The following ADCY2 variants were observed in gnomAD, a reference collection of about 807,000 sequenced individuals.
ADCY2 encodes adenylate cyclase type 2.
In ADCY2, 31 loss-of-function variants were observed where a neutral mutation model predicts 125.2. The observed-to-expected ratio is 0.25, with a 90% CI of 0.19 to 0.33. The LOEUF is 0.33. Ranked by LOEUF, ADCY2 falls within the 10% of genes least tolerant of loss-of-function variation. The pLI, the probability that ADCY2 is intolerant of heterozygous loss-of-function variation, is 1.00. For synonymous variants in ADCY2, 512 were observed against 548.4 expected (o/e 0.93, Z 0.93); for missense variants, 904 against 1,418.2 (o/e 0.64, Z 5.82).
chr5:7,426,600 C>T (rs1167112852), intron 2 of ADCY2, among the ~76,000 whole-genome samples: 1 of 152,196 alleles, frequency 6.6e-6, no homozygotes. Flanking sequence ...TAAGTTTCAA[C>T]TTGAATTTTG....
chr5:7,642,665 C>T (rs1253783547), intron 4 of ADCY2, among the ~76,000 whole-genome samples: 2 of 152,024 alleles, frequency 1.3e-5, no homozygotes, highest in African/African-American at 4.8e-5. Flanking sequence ...ATATAGTCAC[C>T]AGACTGTCCA....
At chr5:7,594,111 A>T (rs1736931703) in intron 3 of ADCY2, among the ~76,000 whole-genome samples, 1 of 152,176 alleles carries the variant, frequency 6.6e-6, no homozygotes, top group Admixed American at 6.6e-5. Context: ...TGAGTAAAAG[A>T]ATGACATGGT....
chr5:7,414,791 T>C (rs752365071), intron 2 of ADCY2, 21 bp downstream of exon 2: 4 of 1,583,950 alleles, frequency 2.5e-6, no homozygotes, highest in Middle Eastern at 1.7e-4. Flanking sequence ...AAAATATTTT[T>C]TGTACTTCTT....
At chr5:7,488,687 G>A (rs1267186927) in intron 2 of ADCY2, among the ~76,000 whole-genome samples, 1 of 152,136 alleles carries the variant, frequency 6.6e-6, no homozygotes, top group Non-Finnish European at 1.5e-5. Context: ...GTGGAAGTTA[G>A]GTGATCAAAA....
At chr5:7,402,132 A>G (rs1429017114) in intron 1 of ADCY2, among the ~76,000 whole-genome samples, 5 of 152,226 alleles carry the variant, frequency 3.3e-5, no homozygotes, top group Non-Finnish European at 5.9e-5. Flanking sequence ...TATCATATCT[A>G]AGGACCACAA....
rs892986171 is a variant in ADCY2, at chr5:7,732,636, T to G, written c.1871+5375T>G. Reference sequence around the variant, plus strand: ...ATGGTGGCTCTCACTTCTGTTGACTTTGTTTTCTTAACTCATTAATTATAC... The same window carrying G: ...ATGGTGGCTCTCACTTCTGTTGACTGTGTTTTCTTAACTCATTAATTATAC... On this transcript the variant is annotated intron_variant, in intron 14 of 24. Coordinates refer to ENST00000338316, the MANE Select transcript of ADCY2 (RefSeq NM_020546.3). Among the ~76,000 whole-genome samples the G allele has an allele frequency of 6.6e-5, 10 of 152,372 alleles. No homozygotes were observed. The South Asian group carries it at 2.1e-3, about 32-fold the overall frequency.
chr5:7,625,231 G>C (rs1460145568), intron 3 of ADCY2, among the ~76,000 whole-genome samples: 1 of 152,216 alleles, frequency 6.6e-6, no homozygotes, highest in Non-Finnish European at 1.5e-5. Context: ...TACAGTCACA[G>C]AACTGAATAT....
At chr5:7,707,682 T>C in intron 8 of ADCY2, 24 bp from the exon 9 acceptor site, 1 of 1,611,536 alleles carries the variant, frequency 6.2e-7, no homozygotes, top group Non-Finnish European at 8.5e-7. Context: ...ATGTCTTGAC[T>C]GTGATTTTAA....
intron 1 of ADCY2, among the ~76,000 whole-genome samples, chr5:7,403,601 T>C (rs1398709639): frequency 1.3e-5 from 2 of 152,192 alleles, no homozygotes; most frequent in Admixed American, 1.3e-4. Flanking sequence ...GTTAGGAAAT[T>C]TCTTTCTATA....
intron 4 of ADCY2, among the ~76,000 whole-genome samples, chr5:7,644,143 G>T (rs926727842): frequency 1.3e-5 from 2 of 151,864 alleles, no homozygotes; most frequent in Middle Eastern, 3.2e-3. Context: ...TAAATTTCTT[G>T]AAAAAGTAGT....
intron 4 of ADCY2, among the ~76,000 whole-genome samples, chr5:7,669,987 T>G (rs1237960369): frequency 1.3e-5 from 2 of 152,208 alleles, no homozygotes; most frequent in South Asian, 2.1e-4. Context: ...ACATATGGGC[T>G]TTCTGTGTTT....
chr5:7,801,960 C>A (rs979436522), intron 20 of ADCY2: 1 of 403,818 alleles, frequency 2.5e-6, no homozygotes, highest in African/African-American at 2.0e-5. Context: ...GTCATTGTCT[C>A]AAGTCAATAT....
intron 2 of ADCY2, among the ~76,000 whole-genome samples, chr5:7,454,111 G>A (rs1741577523): frequency 6.6e-6 from 1 of 152,064 alleles, no homozygotes; most frequent in South Asian, 2.1e-4. Context: ...GTTGGGTGGG[G>A]GGTGCCCTCT....
intron 4 of ADCY2, among the ~76,000 whole-genome samples, chr5:7,688,308 C>A (rs1740593156): frequency 6.7e-6 from 1 of 149,004 alleles, no homozygotes; most frequent in South Asian, 2.1e-4. Flanking sequence ...CACTCTGTTG[C>A]CCAGGCTGGA....
intron 16 of ADCY2, among the ~76,000 whole-genome samples, chr5:7,758,842 G>A (rs1743100798): frequency 6.6e-6 from 1 of 152,204 alleles, no homozygotes; most frequent in African/African-American, 2.4e-5. Flanking sequence ...AAGGTGGGAT[G>A]TTTGCATCTG....
At chr5:7,492,708 G>C (rs1743205860) in intron 2 of ADCY2, among the ~76,000 whole-genome samples, 1 of 152,126 alleles carries the variant, frequency 6.6e-6, no homozygotes, top group South Asian at 2.1e-4. Context: ...GGAGGTTAAT[G>C]GAGTGACTTG....
chr5:7,485,843 A>G lies in ADCY2; in HGVS notation c.409-34895A>G, dbSNP rs552969602. 6.6e-5 allele frequency among the ~76,000 whole-genome samples: 10 copies of G among 152,336 alleles called. No individual in the cohort carries two copies. In the South Asian group the frequency reaches 8.3e-4, roughly 13 times the overall value. ...GTACAATCTTGTTTTTGTTCTTTATATTAGAAAAACAGATAGGAGGAGAAA... is the reference window on the plus strand; with the variant it reads ...GTACAATCTTGTTTTTGTTCTTTATGTTAGAAAAACAGATAGGAGGAGAAA... On this transcript the variant is annotated intron_variant, in intron 2 of 24. Coordinates refer to ENST00000338316, the MANE Select transcript of ADCY2 (RefSeq NM_020546.3).
chr5:7,526,693 G>T (rs1318809978), intron 3 of ADCY2, among the ~76,000 whole-genome samples: 5 of 152,150 alleles, frequency 3.3e-5, no homozygotes, highest in Admixed American at 6.5e-5. Flanking sequence ...AAGAGGAAGA[G>T]ATATTTTTCA....
chr5:7,806,223 A>G (rs1230320734), intron 22 of ADCY2, among the ~76,000 whole-genome samples: 1 of 152,224 alleles, frequency 6.6e-6, no homozygotes, highest in Non-Finnish European at 1.5e-5. Context: ...AACCCAAACC[A>G]GAACTAATTA....
Sources: allele counts gnomAD v4.1 joint callset (sites outside exome capture counted in the v4.1 genomes callset), GRCh38; gene constraint gnomAD v4.1.1; transcripts MANE v1.5; gene names NCBI Gene and HGNC (gene_info 2026-07-23, HGNC 2026-07-21).